The following CALN1 variants were observed in gnomAD, a reference collection of about 807,000 sequenced individuals.
The protein encoded by CALN1 is calcium-binding protein 8.
A neutral mutation model predicts 30.6 loss-of-function variants in CALN1; 17 were observed. The ratio of observed to expected loss-of-function variants is 0.56; its 90% CI spans 0.38 to 0.83. CALN1 has a LOEUF of 0.83. Among genes scored for constraint, CALN1 ranks in the 40% least tolerant of loss-of-function variants. CALN1 has a pLI of 0.00. For missense variants in CALN1, 291 were observed against 354.9 expected, an observed-to-expected ratio of 0.82 and a Z score of 1.45; for synonymous variants, 156 against 131.4, an observed-to-expected ratio of 1.19 and a Z score of -1.28.
At chr7:72,431,073 G>C (rs548873150) in intron 1 of CALN1, among the ~76,000 whole-genome samples, 68 of 151,238 alleles carry the variant, frequency 4.5e-4, no homozygotes, top group African/African-American at 1.6e-3. Context: ...GGGATTACAG[G>C]CCTGTGCCAC....
chr7:72,312,354 T>C (rs115283997), intron 2 of CALN1, among the ~76,000 whole-genome samples: 4,635 of 147,896 alleles, frequency 0.031, 240 homozygotes, highest in African/African-American at 0.11. Context: ...CAGTGAGCCA[T>C]TGCAATCCAG....
At chr7:72,053,836 T>C (rs897481195) in intron 4 of CALN1, among the ~76,000 whole-genome samples, 10 of 149,772 alleles carry the variant, frequency 6.7e-5, no homozygotes, top group Non-Finnish European at 1.2e-4. Flanking sequence ...ATCATTCTTA[T>C]GCCATCGCGT....
At chr7:72,187,743 G>A (rs1790306712) in intron 3 of CALN1, among the ~76,000 whole-genome samples, 1 of 152,116 alleles carries the variant, frequency 6.6e-6, no homozygotes, top group Non-Finnish European at 1.5e-5. Context: ...CTCTTTTCGT[G>A]TATACGTGTG....
chr7:72,180,537 T>TA (rs1401361892), intron 3 of CALN1, among the ~76,000 whole-genome samples: 1 of 151,918 alleles, frequency 6.6e-6, no homozygotes, highest in Non-Finnish European at 1.5e-5. Context: ...TTTTTTTTTT[T>TA]TTTTAATCAA....
chr7:72,239,097 AT>A (rs1279683637), intron 3 of CALN1, among the ~76,000 whole-genome samples: 1 of 152,156 alleles, frequency 6.6e-6, no homozygotes, highest in East Asian at 1.9e-4. Context: ...GGTGCTTTCT[AT>A]TCAAATATTC....
At chr7:71,949,848 G>A (rs760708084) in intron 5 of CALN1, among the ~76,000 whole-genome samples, 71 of 150,910 alleles carry the variant, frequency 4.7e-4, no homozygotes, top group Non-Finnish European at 8.1e-4. Flanking sequence ...TGCAAGCTCC[G>A]CCTCCCGGGT....
intron 4 of CALN1, among the ~76,000 whole-genome samples, chr7:72,051,531 T>C (rs1214593054): frequency 6.6e-6 from 1 of 152,118 alleles, no homozygotes. Flanking sequence ...TGTTGAGAAA[T>C]AGACACTCCT....
intron 2 of CALN1, among the ~76,000 whole-genome samples, chr7:72,285,390 C>A (rs934351673): frequency 2.5e-4 from 38 of 152,074 alleles, no homozygotes; most frequent in African/African-American, 8.9e-4. Context: ...ATTACAGGCG[C>A]CTGCCACCAC....
the CALN1 span, among the ~76,000 whole-genome samples, chr7:72,492,617 G>A: frequency 6.6e-6 from 1 of 152,254 alleles, no homozygotes; most frequent in Non-Finnish European, 1.5e-5. Context: ...CAGCAGGGCT[G>A]TGGGGGCACC....
At chr7:72,302,633 C>G in intron 2 of CALN1, among the ~76,000 whole-genome samples, 1 of 152,064 alleles carries the variant, frequency 6.6e-6, no homozygotes, top group East Asian at 1.9e-4. Context: ...GTGGCTCACA[C>G]CTGTAATCCC....
At chr7:72,138,377 G>C (rs754713186) in intron 3 of CALN1, among the ~76,000 whole-genome samples, 17 of 152,064 alleles carry the variant, frequency 1.1e-4, no homozygotes, top group Non-Finnish European at 2.4e-4. Context: ...GAGTAAACTG[G>C]AGGCTCGAAT....
At chr7:72,071,443 G>C (rs577233138) in intron 4 of CALN1, among the ~76,000 whole-genome samples, 33 of 152,092 alleles carry the variant, frequency 2.2e-4, no homozygotes, top group African/African-American at 8.0e-4. Flanking sequence ...CCATCTTTTG[G>C]AAGTCAGACA....
intron 2 of CALN1, among the ~76,000 whole-genome samples, chr7:72,335,030 G>T (rs987515990): frequency 6.6e-6 from 1 of 152,176 alleles, no homozygotes; most frequent in South Asian, 2.1e-4. Flanking sequence ...AGTTCCTGGA[G>T]CCCTGGAATG....
At chr7:72,367,447 GCTC>G (rs951000509) in intron 2 of CALN1, among the ~76,000 whole-genome samples, 21 of 152,236 alleles carry the variant, frequency 1.4e-4, no homozygotes, top group African/African-American at 5.1e-4. Context: ...AACAAAGTGA[GCTC>G]CTGTCTCTGC....
At chr7:72,016,307 T>G (rs1289602704) in intron 5 of CALN1, among the ~76,000 whole-genome samples, 1 of 152,070 alleles carries the variant, frequency 6.6e-6, no homozygotes, top group Non-Finnish European at 1.5e-5. Flanking sequence ...TCCAGTCTTT[T>G]TATGCATAAC....
intron 2 of CALN1, among the ~76,000 whole-genome samples, chr7:72,397,997 G>A (rs1433792951): frequency 6.6e-6 from 1 of 152,078 alleles, no homozygotes; most frequent in Non-Finnish European, 1.5e-5. Context: ...CGATGAGTTC[G>A]GCACCACTGA....
intron 5 of CALN1, among the ~76,000 whole-genome samples, chr7:71,863,281 G>A (rs532084447): frequency 4.6e-5 from 7 of 151,624 alleles, no homozygotes; most frequent in Admixed American, 2.0e-4. Context: ...AAAAAGGCCA[G>A]GCACAGTGGC....
the CALN1 span, among the ~76,000 whole-genome samples, chr7:72,475,933 CTCTCTCTCTTTTTTTT>C: frequency 7.2e-6 from 1 of 139,860 alleles, no homozygotes; most frequent in Middle Eastern, 3.5e-3. Context: ...CTCTCTCCCT[CTCTCTCTCTTTTTTTT>C]TTTTTTTTTT....
At chr7:72,045,703 AT>A (rs1206821246) in intron 4 of CALN1, among the ~76,000 whole-genome samples, 7 of 151,896 alleles carry the variant, frequency 4.6e-5, no homozygotes, top group African/African-American at 1.7e-4. Context: ...TCATTTTTTA[AT>A]TTTTTCGTAG....
Sources: allele counts gnomAD v4.1 joint callset (sites outside exome capture counted in the v4.1 genomes callset), GRCh38; gene constraint gnomAD v4.1.1; transcripts MANE v1.5; gene names NCBI Gene and HGNC (gene_info 2026-07-23, HGNC 2026-07-21).